Variants in DTD1 observed in about 807,000 individuals in gnomAD.
DTD1 encodes D-aminoacyl-tRNA deacylase 1.
DTD1 carries 13 observed loss-of-function variants against 25.6 expected under a neutral mutation model. The ratio of observed to expected loss-of-function variants is 0.51; its 90% confidence interval spans 0.33 to 0.81. The LOEUF (loss-of-function observed/expected upper bound fraction) is 0.81. Among genes scored for constraint, DTD1 ranks in the 30% least tolerant of loss-of-function variants. DTD1 has a pLI of 0.02. For synonymous variants in DTD1, 110 were observed against 103.6 expected, an observed-to-expected ratio of 1.06 and a Z score of -0.37; for missense variants, 193 against 266.4, an observed-to-expected ratio of 0.72 and a Z score of 1.92.
At chr20:18,681,184 A>G (rs987690935) in intron 4 of DTD1, among the ~76,000 whole-genome samples, 2 of 152,150 alleles carry the variant, frequency 1.3e-5, no homozygotes, top group Non-Finnish European at 2.9e-5. Context: ...ACACACCCTC[A>G]TGCAGGAGAC....
intron 4 of DTD1, chr20:18,632,060 G>A (rs1416624503): frequency 2.3e-6 from 2 of 875,876 alleles, no homozygotes; most frequent in African/African-American, 1.8e-5. Context: ...GACGGTAACT[G>A]TGTGAGATGC....
rs1399426826 is a variant in DTD1 at position 18,765,218 on chromosome 20, C to T, written c.*1878C>T. The T allele has an allele frequency of 1.3e-5, 2 of 152,196 alleles. No individual in the cohort carries two copies. The highest frequency in any genetic ancestry group is 2.9e-5 in the Non-Finnish European group (2 of 68,080). 9.4% of individuals were successfully genotyped at this position (152,196 alleles called of 1,614,324 possible). On this transcript the variant is annotated 3_prime_UTR_variant, in exon 6 of 6. Transcript: ENST00000377452. The stretch of plus-strand genomic sequence containing the variant: ...GGGGCTGTTTCATCTGGGAGGGGAA[C>T]TCTAAATGTTTGAAAGATGTGGAAG...
chr20:18,588,380 C>A (rs928487519), intron 1 of DTD1, among the ~76,000 whole-genome samples: 2 of 152,172 alleles, frequency 1.3e-5, no homozygotes, highest in African/African-American at 4.8e-5. Flanking sequence ...GCAGGACCAG[C>A]GCGCCTCATT....
intron 5 of DTD1, among the ~76,000 whole-genome samples, chr20:18,760,160 C>T (rs1420092717): frequency 6.6e-6 from 1 of 152,160 alleles, no homozygotes; most frequent in Non-Finnish European, 1.5e-5. Context: ...AGGTTTTTAT[C>T]TTCTTTGCCA....
intron 3 of DTD1, among the ~76,000 whole-genome samples, chr20:18,611,980 G>A (rs563727018): frequency 1.4e-4 from 21 of 150,086 alleles, no homozygotes; most frequent in Admixed American, 1.4e-3. Flanking sequence ...TCAGCCTCCC[G>A]AGTAGCTGGG....
intron 3 of DTD1, among the ~76,000 whole-genome samples, chr20:18,616,743 G>C (rs1467656636): frequency 6.6e-6 from 1 of 152,226 alleles, no homozygotes; most frequent in East Asian, 1.9e-4. Flanking sequence ...GGAGTTCAAG[G>C]CAGCAGCAAG....
rs980941297 is a variant in DTD1 at position 18,765,793 on chromosome 20, C to G, written c.*2453C>G. The G allele has an allele frequency of 3.3e-5, 5 of 152,236 alleles. No homozygotes were observed. Among genetic ancestry groups the G allele is most frequent in the African/African-American group, 1.2e-4 (5 of 41,454 alleles). 9.4% of individuals were successfully genotyped at this position (152,236 alleles called of 1,614,324 possible). A position where few individuals can be genotyped will look rare whatever the true frequency, so the allele number is the denominator to read the frequency against. On this transcript the variant is annotated 3_prime_UTR_variant, in exon 6 of 6. Transcript: ENST00000377452. Reference sequence around the variant, plus strand: ...TCAGTCTTTACATCTCTCCCAACATCTCTGCCTCCTTCTTTCTGCTTATTT... The same window carrying G: ...TCAGTCTTTACATCTCTCCCAACATGTCTGCCTCCTTCTTTCTGCTTATTT...
intron 4 of DTD1, among the ~76,000 whole-genome samples, chr20:18,723,447 C>T (rs2122495257): frequency 6.6e-6 from 1 of 152,330 alleles, no homozygotes; most frequent in South Asian, 2.1e-4. Context: ...ACCTACACTG[C>T]CTGTCCAAGG....
chr20:18,683,862 C>G (rs1600366034), intron 4 of DTD1, among the ~76,000 whole-genome samples: 2 of 152,172 alleles, frequency 1.3e-5, no homozygotes, highest in South Asian at 4.1e-4. Context: ...GGTTCCTGCT[C>G]CCTTTCTGCC....
chr20:18,623,874 C>CTGTGTGTGTGTGTG (rs55984974), intron 3 of DTD1, among the ~76,000 whole-genome samples: 3,816 of 143,636 alleles, frequency 0.027, 66 homozygotes, highest in African/African-American at 0.032. Context: ...ACAAGAAGAA[C>CTGTGTGTGTGTGTG]TGTGTGTGTG....
intron 4 of DTD1, among the ~76,000 whole-genome samples, chr20:18,743,033 G>A (rs542458744): frequency 1.3e-5 from 2 of 152,336 alleles, no homozygotes; most frequent in Admixed American, 6.5e-5. Flanking sequence ...AAACTTGGCC[G>A]GTCTTCTCTG....
At chr20:18,657,275 T>C (rs188290101) in intron 4 of DTD1, among the ~76,000 whole-genome samples, 2 of 152,340 alleles carry the variant, frequency 1.3e-5, no homozygotes, top group East Asian at 3.9e-4. Flanking sequence ...GCACTGGGCC[T>C]TTTGTAGTTC....
chr20:18,750,694 C>G (rs566031334), intron 5 of DTD1, among the ~76,000 whole-genome samples: 3 of 152,128 alleles, frequency 2.0e-5, no homozygotes, highest in Non-Finnish European at 4.4e-5. Flanking sequence ...TGTCTCAATC[C>G]TTCGGGCTCT....
rs374029034 is a variant in DTD1 at position 18,739,544 on chromosome 20, C to A, written c.478-4556C>A. Among the ~76,000 whole-genome samples the A allele has an allele frequency of 7.2e-5, 11 of 152,252 alleles. 1 individual carries two copies. Among genetic ancestry groups the A allele is most frequent in the Admixed American group, 4.6e-4 (7 of 15,294 alleles). On this transcript the variant is annotated intron_variant, in intron 4 of 5. Coordinates refer to ENST00000377452, the MANE Select transcript of DTD1 (RefSeq NM_080820.6). ...CTCCCTTACAATGTGGGCTTTCTTGCCAGTTGATTAAAAACAAGCAAACAG... is the reference window on the plus strand; with the variant it reads ...CTCCCTTACAATGTGGGCTTTCTTGACAGTTGATTAAAAACAAGCAAACAG...
intron 4 of DTD1, among the ~76,000 whole-genome samples, chr20:18,665,354 C>G (rs980576733): frequency 3.9e-5 from 6 of 152,148 alleles, no homozygotes; most frequent in Non-Finnish European, 8.8e-5. Context: ...GCCTAGTGCT[C>G]CACTGGTGGC....
rs79473369 is a variant in DTD1, at chr20:18,744,380, A to G, written c.*19+109A>G. ...TTCATTCATTTCACAGCGTTCATCC[A>G]TAGCTTCCTTAAATCTGCTGCCTTC... On this transcript the variant is annotated intron_variant, in intron 5 of 5. Coordinates refer to ENST00000377452, the MANE Select transcript of DTD1 (RefSeq NM_080820.6). The G allele has an allele frequency of 1.3e-3, 1,525 of 1,209,078 alleles. 9 individuals are homozygous for G. The African/African-American group carries it at 0.02, about 16-fold the overall frequency. The allele number at this position is 1,209,078 out of a possible 1,614,324, so 74.9% of individuals were successfully genotyped here.
rs1405466236 is a variant in DTD1, at chr20:18,675,817, C to CAT, written c.477+47589_477+47590dup. On this transcript the variant is annotated intron_variant, in intron 4 of 5. Coordinates refer to ENST00000377452, the MANE Select transcript of DTD1 (RefSeq NM_080820.6). ...ATATACCTATGTGTATATTTACACA[C>CAT]ATATATGTAAATATACCTATGTGTA... 8.5e-4 allele frequency among the ~76,000 whole-genome samples: 43 copies of CAT among 50,396 alleles called. 2 individuals are homozygous for CAT. The highest frequency in any genetic ancestry group is 1.5e-3 in the Non-Finnish European group (38 of 24,666). The allele number at this position is 50,396 out of a possible 152,430, so 33.1% of individuals were successfully genotyped here.
At chr20:18,613,478 A>G (rs1012164033) in intron 3 of DTD1, among the ~76,000 whole-genome samples, 2 of 152,038 alleles carry the variant, frequency 1.3e-5, no homozygotes, top group Admixed American at 1.3e-4. Context: ...CTTGTTTTTT[A>G]TTTTCATAAG....
At chr20:18,676,434 T>C (rs1358152058) in intron 4 of DTD1, among the ~76,000 whole-genome samples, 1 of 152,102 alleles carries the variant, frequency 6.6e-6, no homozygotes, top group Non-Finnish European at 1.5e-5. Flanking sequence ...TCTAAAGAAA[T>C]TAGGTCGGGG....
Sources: gnomAD v4.1 joint callset for allele counts (sites outside exome capture counted in the v4.1 genomes callset) on GRCh38, gnomAD v4.1.1 for gene constraint, MANE v1.5 for transcripts, NCBI Gene and HGNC (gene_info 2026-07-23, HGNC 2026-07-21) for gene names.